The following LPP variants were observed in gnomAD, a reference collection of about 807,000 sequenced individuals.
The protein encoded by LPP is lipoma-preferred partner.
A neutral mutation model predicts 60.4 loss-of-function variants in LPP; 38 were observed. That is an observed-to-expected ratio of 0.63 (90% CI 0.49 to 0.83). The LOEUF (loss-of-function observed/expected upper bound fraction) is 0.83, where lower values mean the gene tolerates loss of function less well. Among genes scored for constraint, LPP ranks in the 40% least tolerant of loss-of-function variants. LPP has a pLI of 0.00. For missense variants in LPP, 902 were observed against 783.6 expected (o/e 1.15, Z -1.80); for synonymous variants, 328 against 290.8 (o/e 1.13, Z -1.30).
rs1023105621 is a variant in LPP, at chr3:188,413,471, C to T, written c.193+7158C>T. On this transcript the variant is annotated intron_variant, in intron 4 of 11. Coordinates refer to ENST00000617246, the MANE Select transcript of LPP (RefSeq NM_001375462.1). Reference sequence around the variant, plus strand: ...TGCCATGAGGATAGCCACAAATTCACGGAAACATCAGGAACTGTAATGAAG... The same window carrying T: ...TGCCATGAGGATAGCCACAAATTCATGGAAACATCAGGAACTGTAATGAAG... 6.6e-5 allele frequency among the ~76,000 whole-genome samples: 10 copies of T among 152,092 alleles called. 1 individual carries two copies. The highest frequency in any genetic ancestry group is 2.4e-4 in the African/African-American group (10 of 41,426).
intron 6 of LPP, among the ~76,000 whole-genome samples, chr3:188,588,905 A>G (rs1838079615): frequency 6.6e-6 from 1 of 152,078 alleles, no homozygotes; most frequent in Admixed American, 6.6e-5. Flanking sequence ...CAGATTGAGC[A>G]TAGTTCATCT....
intron 4 of LPP, among the ~76,000 whole-genome samples, chr3:188,454,331 G>A (rs965192146): frequency 1.3e-5 from 2 of 152,186 alleles, no homozygotes; most frequent in Non-Finnish European, 2.9e-5. Flanking sequence ...TGTGGTCTAT[G>A]ATATTCCTCA....
chr3:188,609,032 T>C lies in LPP; in HGVS notation c.430-129T>C, dbSNP rs1488272558. 1 of 743,774 alleles carries C rather than the reference T, an allele frequency of 1.3e-6. No individual in the cohort carries two copies. The highest frequency in any genetic ancestry group is 2.1e-6 in the Non-Finnish European group (1 of 465,400). 46.1% of individuals were successfully genotyped at this position (743,774 alleles called of 1,614,324 possible). On this transcript the variant is annotated intron_variant, in intron 6 of 11. Coordinates refer to ENST00000617246, the MANE Select transcript of LPP (RefSeq NM_001375462.1). The surrounding 1 kb of genome is among the most constrained non-coding windows in gnomAD (Gnocchi z 6.9). ...ACACTTTGAAGGCAAGATTATGCCT[T>C]ATTTGTGTTCTACATAGTAATAAAT...
At chr3:188,784,196 T>A (rs1242844873) in intron 9 of LPP, among the ~76,000 whole-genome samples, 1 of 151,720 alleles carries the variant, frequency 6.6e-6, no homozygotes, top group Non-Finnish European at 1.5e-5. Context: ...ATTCCTGAGT[T>A]ACTTCACTTA....
rs1217340818 is a variant in LPP at position 188,888,356 on chromosome 3, A to G, written c.*13877A>G. ...GTAATTTTCCCTGAGCCACGCACAC[A>G]GGCTTTTATTTCATGCCTTTTCTCT... is the stretch of plus-strand genomic sequence containing the variant. On this transcript the variant is annotated 3_prime_UTR_variant, in exon 12 of 12. Transcript: ENST00000617246. 9 of 228,152 alleles carry G rather than the reference A, an allele frequency of 3.9e-5. No homozygotes were observed. The highest frequency in any genetic ancestry group is 7.8e-5 in the Non-Finnish European group (9 of 114,778). 14.1% of individuals were successfully genotyped at this position (228,152 alleles called of 1,614,324 possible).
rs917999794 is a variant in LPP, at chr3:188,329,149, C to G, written c.-66-12514C>G. Among the ~76,000 whole-genome samples the G allele has an allele frequency of 5.9e-5, 9 of 152,288 alleles. No individual in the cohort carries two copies. In the South Asian group the frequency reaches 8.3e-4, roughly 14 times the overall value. Reference sequence around the variant, plus strand: ...GACTCCTACACATGTATGGGTCACACATTAACAGCCACTCATTGAGTCCAG... The same window carrying G: ...GACTCCTACACATGTATGGGTCACAGATTAACAGCCACTCATTGAGTCCAG... On this transcript the variant is annotated intron_variant, in intron 2 of 11. Coordinates refer to ENST00000617246, the MANE Select transcript of LPP (RefSeq NM_001375462.1).
At chr3:188,326,234 G>C (rs1249563312) in intron 2 of LPP, among the ~76,000 whole-genome samples, 1 of 152,200 alleles carries the variant, frequency 6.6e-6, no homozygotes, top group East Asian at 1.9e-4. Flanking sequence ...GCACGCTGGT[G>C]ATGTGCGTAT....
chr3:188,373,099 T>G (rs1007337530), intron 3 of LPP, among the ~76,000 whole-genome samples: 9 of 152,234 alleles, frequency 5.9e-5, no homozygotes, highest in East Asian at 1.9e-4. Flanking sequence ...CTTAATCCAG[T>G]CTATTGTTGT....
chr3:188,740,036 G>A (rs751322010), intron 8 of LPP, among the ~76,000 whole-genome samples: 1 of 152,022 alleles, frequency 6.6e-6, no homozygotes. Flanking sequence ...TCAAGAATAT[G>A]TTCGCAGAAA....
intron 6 of LPP, among the ~76,000 whole-genome samples, chr3:188,599,233 C>T (rs990258631): frequency 4.6e-5 from 7 of 152,056 alleles, no homozygotes; most frequent in African/African-American, 1.4e-4. Flanking sequence ...AAACCGATGG[C>T]ATTCTATCTC....
chr3:188,194,540 G>A (rs772106379), intron 1 of LPP, among the ~76,000 whole-genome samples: 25 of 152,178 alleles, frequency 1.6e-4, no homozygotes, highest in African/African-American at 5.1e-4. Context: ...ACCTCAGTGC[G>A]ATGACTCAGG....
At chr3:188,791,113 T>C (rs1743587281) in intron 9 of LPP, among the ~76,000 whole-genome samples, 3 of 152,128 alleles carry the variant, frequency 2.0e-5, no homozygotes, top group African/African-American at 7.2e-5. Context: ...TCAGCAATCA[T>C]GAAATGTAGG....
chr3:188,290,101 T>G (rs1041812180), intron 2 of LPP, among the ~76,000 whole-genome samples: 5 of 151,910 alleles, frequency 3.3e-5, no homozygotes, highest in Non-Finnish European at 7.4e-5. Flanking sequence ...GCCTCCCGAG[T>G]AGCTGGGACT....
chr3:188,771,442 G>A (rs566925841), intron 9 of LPP, among the ~76,000 whole-genome samples: 8 of 151,684 alleles, frequency 5.3e-5, no homozygotes, highest in East Asian at 1.9e-4. Flanking sequence ...CCAGCTACTC[G>A]GGAGGCTGAG....
intron 1 of LPP, chr3:188,212,768 G>A (rs1053489087): frequency 1.3e-5 from 2 of 152,208 alleles, no homozygotes; most frequent in African/African-American, 4.8e-5. Flanking sequence ...GTAGTGGACT[G>A]AGGGCCTGCA....
intron 1 of LPP, among the ~76,000 whole-genome samples, chr3:188,207,511 T>G (rs1733620163): frequency 6.6e-6 from 1 of 151,972 alleles, no homozygotes; most frequent in South Asian, 2.1e-4. Context: ...GGATTACAGG[T>G]GTGAGCCACC....
chr3:188,574,218 G>A (rs539065236), intron 6 of LPP, among the ~76,000 whole-genome samples: 14 of 152,228 alleles, frequency 9.2e-5, no homozygotes, highest in Non-Finnish European at 1.0e-4. Context: ...TCTGAAAAAC[G>A]TATATAATAA....
At chr3:188,641,559 A>G (rs764620547) in intron 7 of LPP, among the ~76,000 whole-genome samples, 14 of 152,212 alleles carry the variant, frequency 9.2e-5, no homozygotes, top group Non-Finnish European at 1.9e-4. Context: ...AGTAGTTACA[A>G]CTATTGAATA....
chr3:188,464,109 G>A (rs548508614), intron 4 of LPP, among the ~76,000 whole-genome samples: 1 of 152,270 alleles, frequency 6.6e-6, no homozygotes, highest in South Asian at 2.1e-4. Flanking sequence ...GCAGGTATGT[G>A]TTGAGGTTTC....
Sources: allele counts gnomAD v4.1 joint callset (sites outside exome capture counted in the v4.1 genomes callset), GRCh38; gene constraint gnomAD v4.1.1; non-coding constraint Gnocchi (gnomAD v3.1); transcripts MANE v1.5; gene names NCBI Gene and HGNC (gene_info 2026-07-23, HGNC 2026-07-21).